Variants in NR6A1 observed in about 807,000 individuals in gnomAD.
NR6A1 encodes nuclear receptor subfamily 6 group A member 1.
A neutral mutation model predicts 59.1 loss-of-function variants in NR6A1; 7 were observed. The ratio of observed to expected loss-of-function variants is 0.12; its 90% CI spans 0.07 to 0.22. The LOEUF is 0.22. Ranked by LOEUF, NR6A1 falls within the 10% of genes least tolerant of loss-of-function variation. The pLI, the probability that NR6A1 is intolerant of heterozygous loss-of-function variation, is 1.00. For synonymous variants in NR6A1, 243 were observed against 236.1 expected, an observed-to-expected ratio of 1.03 and a Z score of -0.27; for missense variants, 468 against 611.6, an observed-to-expected ratio of 0.77 and a Z score of 2.48.
intron 1 of NR6A1, among the ~76,000 whole-genome samples, chr9:124,769,109 C>G (rs1841027611): frequency 6.6e-6 from 1 of 152,146 alleles, no homozygotes; most frequent in Admixed American, 6.5e-5. Flanking sequence ...TATACTGTCT[C>G]CTTCTACCCT....
chr9:124,733,016 T>A (rs1839927425), intron 2 of NR6A1, among the ~76,000 whole-genome samples: 1 of 152,152 alleles, frequency 6.6e-6, no homozygotes, highest in African/African-American at 2.4e-5. Context: ...AATTTTTATT[T>A]TTGTTGGTTT....
At chr9:124,652,481 G>A (rs1837135147) in intron 2 of NR6A1, among the ~76,000 whole-genome samples, 1 of 152,124 alleles carries the variant, frequency 6.6e-6, no homozygotes, top group South Asian at 2.1e-4. Flanking sequence ...ACTGTTATGA[G>A]AATTAATTCA....
intron 2 of NR6A1, among the ~76,000 whole-genome samples, chr9:124,676,146 A>G (rs968338425): frequency 6.6e-6 from 1 of 152,224 alleles, no homozygotes; most frequent in African/African-American, 2.4e-5. Flanking sequence ...GCTCAGAAGC[A>G]TGTGACAGGC....
At chr9:124,633,295 CG>C (rs1358777643) in intron 2 of NR6A1, among the ~76,000 whole-genome samples, 1 of 148,698 alleles carries the variant, frequency 6.7e-6, no homozygotes, top group Non-Finnish European at 1.5e-5. Context: ...CCCAGCTACA[CG>C]GGAGGCTGAG....
At chr9:124,635,269 G>T (rs1160752113) in intron 2 of NR6A1, among the ~76,000 whole-genome samples, 1 of 151,792 alleles carries the variant, frequency 6.6e-6, no homozygotes, top group Admixed American at 6.6e-5. Context: ...CAGTGATATG[G>T]TTTAGCTCTG....
Position 124,581,316 on chromosome 9 carries a change from C to T in NR6A1, c.143-26746G>A, listed in dbSNP as rs184908160. On this transcript the variant is annotated intron_variant, in intron 2 of 9. Transcript: ENST00000487099. ...AGCAAAAGAAACTATCATCAGAGGC[C>T]GGGCACAGTGGCTCACGCTTGTAAT... Among the ~76,000 whole-genome samples, 44 of 152,128 alleles carry T rather than the reference C, an allele frequency of 2.9e-4. No homozygotes were observed. The East Asian group carries it at 4.6e-3, about 16-fold the overall frequency.
intron 9 of NR6A1, 152 bp downstream of exon 9, chr9:124,524,569 A>G (rs921059169): frequency 9.2e-6 from 7 of 761,072 alleles, no homozygotes; most frequent in South Asian, 2.2e-5. Context: ...GCTTCTCATT[A>G]TAACAGACCT....
chr9:124,582,445 C>T (rs1834801819), intron 2 of NR6A1, among the ~76,000 whole-genome samples: 1 of 152,062 alleles, frequency 6.6e-6, no homozygotes, highest in Admixed American at 6.6e-5. Context: ...GGGAGAGGAT[C>T]AGGAAAAATA....
intron 2 of NR6A1, among the ~76,000 whole-genome samples, chr9:124,636,145 T>C (rs1034057258): frequency 4.6e-5 from 7 of 152,262 alleles, no homozygotes; most frequent in Admixed American, 4.6e-4. Flanking sequence ...TCACCACTTA[T>C]ATTATTGTCT....
chr9:124,599,311 C>A (rs1835377714), intron 2 of NR6A1: 2 of 368,554 alleles, frequency 5.4e-6, no homozygotes, highest in Admixed American at 7.8e-5. Flanking sequence ...GGCGTGGCGG[C>A]GGGCGCCCGA....
chr9:124,607,908 A>G (rs1835618703), intron 2 of NR6A1, among the ~76,000 whole-genome samples: 1 of 151,920 alleles, frequency 6.6e-6, no homozygotes, highest in Non-Finnish European at 1.5e-5. Context: ...ATAAATAAAT[A>G]AGCAAGCAAG....
Position 124,524,879 on chromosome 9 carries a change from G to GAAA in NR6A1, c.1202-9_1202-7dup. 1.1e-5 allele frequency: 15 copies of GAAA among 1,334,648 alleles called. No individual in the cohort carries two copies. Among genetic ancestry groups the GAAA allele is most frequent in the South Asian group, 7.0e-5 (5 of 71,426 alleles). 82.7% of individuals were successfully genotyped at this position (1,334,648 alleles called of 1,614,324 possible). A position where few individuals can be genotyped will look rare whatever the true frequency, so the allele number is the denominator to read the frequency against. ...ACTGGTCAGACCCCTGATATCTGTG[G>GAAA]AAAAAAAAAAAACACACACACACAT... On this transcript the variant is annotated splice_polypyrimidine_tract_variant and splice_region_variant and intron_variant, in intron 8 of 9. Coordinates refer to ENST00000487099, the MANE Select transcript of NR6A1 (RefSeq NM_033334.4).
chr9:124,682,569 G>T (rs753335187), intron 2 of NR6A1, among the ~76,000 whole-genome samples: 16 of 152,036 alleles, frequency 1.1e-4, no homozygotes, highest in Non-Finnish European at 1.9e-4. Flanking sequence ...TAAAAAAATA[G>T]CTATTTTTAC....
intron 2 of NR6A1, among the ~76,000 whole-genome samples, chr9:124,585,873 C>G (rs1834916191): frequency 6.6e-6 from 1 of 152,102 alleles, no homozygotes; most frequent in South Asian, 2.1e-4. Context: ...TACCTGTGTT[C>G]TATAAATGGA....
intron 2 of NR6A1, among the ~76,000 whole-genome samples, chr9:124,697,458 G>A (rs1838802497): frequency 1.3e-5 from 2 of 152,148 alleles, no homozygotes; most frequent in South Asian, 4.1e-4. Flanking sequence ...GGTAAGAAGG[G>A]TCAGGGAACT....
chr9:124,650,993 A>G (rs1837084023), intron 2 of NR6A1, among the ~76,000 whole-genome samples: 1 of 152,220 alleles, frequency 6.6e-6, no homozygotes. Flanking sequence ...AATAGGTAAT[A>G]GAAAGAAAGG....
chr9:124,558,885 A>G (rs188190380), intron 2 of NR6A1, among the ~76,000 whole-genome samples: 6 of 152,282 alleles, frequency 3.9e-5, no homozygotes, highest in Admixed American at 3.3e-4. Flanking sequence ...TTGTAAATGA[A>G]CAAACTGAAG....
intron 1 of NR6A1, among the ~76,000 whole-genome samples, chr9:124,767,540 C>G (rs1042062183): frequency 6.6e-6 from 1 of 150,906 alleles, no homozygotes; most frequent in African/African-American, 2.4e-5. Flanking sequence ...GAAAAACCTG[C>G]GTGCTGTATG....
rs1836070673 is a variant in NR6A1 at position 124,621,457 on chromosome 9, G to A, written c.143-66887C>T. Reference sequence around the variant, plus strand: ...AGTCCTTGAGTTTGAGACTAGCCTAGGAAACACAGTGAGACCCAATATCTT... The same window carrying A: ...AGTCCTTGAGTTTGAGACTAGCCTAAGAAACACAGTGAGACCCAATATCTT... On this transcript the variant is annotated intron_variant, in intron 2 of 9. Transcript: ENST00000487099. Among the ~76,000 whole-genome samples the A allele has an allele frequency of 2.7e-5, 4 of 149,466 alleles. No homozygotes were observed. The South Asian group carries it at 6.4e-4, about 24-fold the overall frequency.
Sources: allele counts gnomAD v4.1 joint callset (sites outside exome capture counted in the v4.1 genomes callset), GRCh38; gene constraint gnomAD v4.1.1; transcripts MANE v1.5; gene names NCBI Gene and HGNC (gene_info 2026-07-23, HGNC 2026-07-21).